BCL7A: variants seen among roughly 807,000 people sequenced by gnomAD.
BCL7A encodes BAF chromatin remodeling complex subunit BCL7A.
In BCL7A, 11 loss-of-function variants were observed where a neutral mutation model predicts 28.4. The ratio of observed to expected loss-of-function variants is 0.39; its 90% CI spans 0.24 to 0.64. The LOEUF (loss-of-function observed/expected upper bound fraction) is 0.64. BCL7A is among the 30% of genes least tolerant of loss of function. The pLI is 0.50. For missense variants in BCL7A, 222 were observed against 274.8 expected (o/e 0.81, Z 1.36); for synonymous variants, 123 against 103.3 (o/e 1.19, Z -1.15).
intron 1 of BCL7A, among the ~76,000 whole-genome samples, chr12:122,025,514 C>A (rs1160114597): frequency 6.6e-6 from 1 of 151,470 alleles, no homozygotes; most frequent in African/African-American, 2.4e-5. Context: ...GTAGTCCCAG[C>A]TACTTGGGAG....
At chr12:122,022,925 A>T (rs1411639857) in intron 1 of BCL7A, among the ~76,000 whole-genome samples, 2 of 151,972 alleles carry the variant, frequency 1.3e-5, no homozygotes, top group Admixed American at 1.3e-4. Context: ...GGGCCAGCCG[A>T]TGTTTTTGGC....
chr12:122,052,374 C>T (rs1884209288), intron 4 of BCL7A, among the ~76,000 whole-genome samples: 1 of 152,120 alleles, frequency 6.6e-6, no homozygotes, highest in Non-Finnish European at 1.5e-5. Context: ...ATAAAATTAA[C>T]CAGGTTAAGT....
At chr12:122,044,130 A>G (rs1360212856) in intron 4 of BCL7A, 77 bp downstream of exon 4, 1 of 1,509,486 alleles carries the variant, frequency 6.6e-7, no homozygotes, top group Non-Finnish European at 8.9e-7. Context: ...TAGGTGTTCC[A>G]GGAGGCCCTG....
rs757507183 is a variant in BCL7A at position 122,054,793 on chromosome 12, CTCT to C, written c.440-9_440-7del. 22 of 1,610,906 alleles carry C rather than the reference CTCT, an allele frequency of 1.4e-5. No individual in the cohort carries two copies. The highest frequency in any genetic ancestry group is 2.7e-5 in the African/African-American group (2 of 74,862). On this transcript the variant is annotated splice_polypyrimidine_tract_variant and intron_variant, in intron 4 of 5. Coordinates refer to ENST00000261822, the MANE Select transcript of BCL7A (RefSeq NM_001024808.3). ...TCTGAAAACAGCTCCTGTCGTCTTGCTCTTCCCTCAGATGCTTCTGATGAGCAG... is the reference window on the plus strand; with the variant it reads ...TCTGAAAACAGCTCCTGTCGTCTTGCTCCCTCAGATGCTTCTGATGAGCAG...
chr12:122,045,995 G>C (rs1884068865), intron 4 of BCL7A, among the ~76,000 whole-genome samples: 1 of 145,518 alleles, frequency 6.9e-6, no homozygotes, highest in African/African-American at 2.5e-5. Flanking sequence ...CTGAACCTGA[G>C]AGGTCGAGGC....
chr12:122,038,431 CAAAAAAAAAAAAAAAA>C (rs56376395), intron 3 of BCL7A, among the ~76,000 whole-genome samples: 8 of 33,560 alleles, frequency 2.4e-4, no homozygotes, highest in African/African-American at 3.0e-4. Flanking sequence ...GACTCTGCCT[CAAAAAAAAAAAAAAAA>C]AAAAAAAAAA....
At chr12:122,038,273 A>T (rs1593027908) in intron 3 of BCL7A, among the ~76,000 whole-genome samples, 1 of 150,000 alleles carries the variant, frequency 6.7e-6, no homozygotes. Flanking sequence ...CTCTACTAAA[A>T]ATATAAAAAT....
rs2135865324 is a variant in BCL7A, at chr12:122,060,545, CTTAA to C, written c.*1388_*1391del. The C allele has an allele frequency of 4.3e-6, 1 of 232,054 alleles. No individual in the cohort carries two copies. Among genetic ancestry groups the C allele is most frequent in the East Asian group, 6.1e-5 (1 of 16,370 alleles). The allele number at this position is 232,054 out of a possible 1,614,324, so 14.4% of individuals were successfully genotyped here. ...GTTTGGTTCTGAGGCCTGGTTTGCT[CTTAA>C]TTAATATATGAACTCCTCAGACCTT... is the stretch of plus-strand genomic sequence containing the variant. On this transcript the variant is annotated 3_prime_UTR_variant, in exon 6 of 6. Transcript: ENST00000261822.
In BCL7A at chr12:122,059,762, G is replaced by T. The variant is rs1324956150; in HGVS notation, c.*599G>T. ...AGCGAAGGAGCTCCTTAGCCCACCT[G>T]GTTTGCAGGTGCAGGGGGACCTTAG... On this transcript the variant is annotated 3_prime_UTR_variant, in exon 6 of 6. Transcript: ENST00000261822. This position sits in a 1 kb window ranked among gnomAD's most constrained non-coding sequence, Gnocchi z 4.0. 4.3e-6 allele frequency: 1 copy of T among 231,892 alleles called. No homozygotes were observed. The highest frequency in any genetic ancestry group is 8.5e-6 in the Non-Finnish European group (1 of 117,352). 14.4% of individuals were successfully genotyped at this position (231,892 alleles called of 1,614,324 possible).
intron 4 of BCL7A, among the ~76,000 whole-genome samples, chr12:122,045,838 C>G (rs935621899): frequency 2.0e-5 from 3 of 152,000 alleles, no homozygotes; most frequent in Admixed American, 2.0e-4. Context: ...CTTATAATCT[C>G]AGCACTTTGG....
At chr12:122,054,742 G>T in intron 4 of BCL7A, 63 bp from the exon 5 acceptor site, 12 of 1,524,156 alleles carry the variant, frequency 7.9e-6, no homozygotes, top group Non-Finnish European at 1.1e-5. Flanking sequence ...TCAGTATTTG[G>T]CCCCACCGGC....
chr12:122,052,077 G>T (rs1279076220), intron 4 of BCL7A, among the ~76,000 whole-genome samples: 1 of 151,842 alleles, frequency 6.6e-6, no homozygotes, highest in African/African-American at 2.4e-5. Flanking sequence ...GTTTCACCAT[G>T]TTGGCCAGGC....
chr12:122,057,298 G>A (rs1043194249), intron 5 of BCL7A, among the ~76,000 whole-genome samples: 2 of 152,210 alleles, frequency 1.3e-5, no homozygotes, highest in African/African-American at 4.8e-5. Flanking sequence ...GGCCGGGGAG[G>A]CCAGAACCTG....
In BCL7A at chr12:122,022,061, G is replaced by T; in HGVS notation, c.-31G>T. 1 of 1,523,968 alleles carries T rather than the reference G, an allele frequency of 6.6e-7. No individual in the cohort carries two copies. Among genetic ancestry groups the T allele is most frequent in the Non-Finnish European group, 8.8e-7 (1 of 1,132,244 alleles). The allele number at this position is 1,523,968 out of a possible 1,614,324, so 94.4% of individuals were successfully genotyped here. A position where few individuals can be genotyped will look rare whatever the true frequency, so the allele number is the denominator to read the frequency against. On this transcript the variant is annotated 5_prime_UTR_variant, in exon 1 of 6. Transcript: ENST00000261822. Reference sequence around the variant, plus strand: ...AGCGCGAGCAGGACCCGGCGGGCGCGCTCCCCAGCCTCCGTCTCCCCGCCG... The same window carrying T: ...AGCGCGAGCAGGACCCGGCGGGCGCTCTCCCCAGCCTCCGTCTCCCCGCCG...
rs1443261049 is a variant in BCL7A at position 122,029,251 on chromosome 12, C to T, written c.93-1449C>T. Among the ~76,000 whole-genome samples the T allele has an allele frequency of 2.6e-5, 4 of 152,120 alleles. No homozygotes were observed. The highest frequency in any genetic ancestry group is 9.7e-5 in the African/African-American group (4 of 41,418). On this transcript the variant is annotated intron_variant, in intron 1 of 5. Transcript: ENST00000261822. The surrounding 1 kb of genome is among the most constrained non-coding windows in gnomAD (Gnocchi z 4.3). Reference sequence around the variant, plus strand: ...ACTGGTATAATAAGAAAAGCCGGGCCGTAGCGTCCTCTGATGGAACACGTG... The same window carrying T: ...ACTGGTATAATAAGAAAAGCCGGGCTGTAGCGTCCTCTGATGGAACACGTG...
intron 1 of BCL7A, among the ~76,000 whole-genome samples, chr12:122,023,863 A>C (rs1883541908): frequency 6.6e-6 from 1 of 152,278 alleles, no homozygotes; most frequent in Middle Eastern, 3.4e-3. Context: ...CAAAGAAAGA[A>C]CTGGTGTCTG....
intron 1 of BCL7A, among the ~76,000 whole-genome samples, chr12:122,025,101 G>T (rs1883587513): frequency 6.6e-6 from 1 of 152,158 alleles, no homozygotes. Context: ...AAACAAAATG[G>T]TGGGCCTCTT....
chr12:122,055,251 C>T (rs1951868943), intron 5 of BCL7A, among the ~76,000 whole-genome samples: 1 of 152,176 alleles, frequency 6.6e-6, no homozygotes, highest in African/African-American at 2.4e-5. Flanking sequence ...CTCAGTGATC[C>T]CCAGATCGGT....
chr12:122,024,124 G>A, intron 1 of BCL7A, among the ~76,000 whole-genome samples: 1 of 152,338 alleles, frequency 6.6e-6, no homozygotes, highest in Admixed American at 6.5e-5. Context: ...TGACCCCGCG[G>A]GGACCAGGCC....
Sources: allele counts gnomAD v4.1 joint callset (sites outside exome capture counted in the v4.1 genomes callset), GRCh38; gene constraint gnomAD v4.1.1; non-coding constraint Gnocchi (gnomAD v3.1); transcripts MANE v1.5; gene names NCBI Gene and HGNC (gene_info 2026-07-23, HGNC 2026-07-21).